Variants in ATAD2B observed in about 807,000 individuals in gnomAD.
ATAD2B encodes ATPase family AAA domain containing 2B, also known as ATPase family AAA domain-containing protein 2B.
ATAD2B carries 40 observed loss-of-function variants against 167.6 expected under a neutral mutation model. The observed-to-expected ratio is 0.24, with a 90% CI of 0.19 to 0.31. The LOEUF is 0.31. Ranked by LOEUF, ATAD2B falls within the 10% of genes least tolerant of loss-of-function variation. ATAD2B has a pLI of 1.00. For synonymous variants in ATAD2B, 579 were observed against 596.5 expected (o/e 0.97, Z 0.43); for missense variants, 1,242 against 1,757.2 (o/e 0.71, Z 5.24).
chr2:23,719,337 T>C, the ATAD2B span, among the ~76,000 whole-genome samples: 1 of 152,048 alleles, frequency 6.6e-6, no homozygotes, highest in Non-Finnish European at 1.5e-5. Context: ...TAAACAACCC[T>C]AAGGAGGAAA....
chr2:23,708,444 G>A, the ATAD2B span: 1 of 152,178 alleles, frequency 6.6e-6, no homozygotes, highest in African/African-American at 2.4e-5. Context: ...ACTCAACACA[G>A]ATGACATTGA....
At chr2:23,784,154 A>G (rs900099931) in intron 21 of ATAD2B, among the ~76,000 whole-genome samples, 24 of 152,108 alleles carry the variant, frequency 1.6e-4, no homozygotes, top group Admixed American at 6.5e-4. Context: ...ATGCCTGTGT[A>G]TAAGTGGAAA....
At chr2:23,809,437 T>C (rs1685197381) in intron 18 of ATAD2B, among the ~76,000 whole-genome samples, 1 of 152,154 alleles carries the variant, frequency 6.6e-6, no homozygotes, top group Admixed American at 6.5e-5. Context: ...TGCTACAATG[T>C]AGGAAATGGC....
rs1470406849 is a variant in ATAD2B, at chr2:23,895,049, G to C, written c.368+770C>G. Among the ~76,000 whole-genome samples, 8 of 151,916 alleles carry C rather than the reference G, an allele frequency of 5.3e-5. No homozygotes were observed. The East Asian group carries it at 1.5e-3, about 29-fold the overall frequency. On this transcript the variant is annotated intron_variant, in intron 2 of 27. Coordinates refer to ENST00000238789, the MANE Select transcript of ATAD2B (RefSeq NM_017552.4). ...ATCAAAATATTTTTAAATGCTTGAA[G>C]AATAAAAACAAAGGACTTCCCTTTT... is the stretch of plus-strand genomic sequence containing the variant.
intron 14 of ATAD2B, 82 bp downstream of exon 14, chr2:23,833,837 T>G: frequency 9.1e-7 from 1 of 1,098,338 alleles, no homozygotes; most frequent in South Asian, 2.2e-5. Context: ...CAATGAAAAT[T>G]CATAAAATAT....
intron 17 of ATAD2B, among the ~76,000 whole-genome samples, chr2:23,814,780 C>A (rs773537686): frequency 1.6e-4 from 25 of 152,088 alleles, no homozygotes; most frequent in Middle Eastern, 3.4e-3. Flanking sequence ...TGTGGCCTGG[C>A]GCAGTGTCTC....
intron 20 of ATAD2B, chr2:23,788,238 T>C: frequency 2.8e-6 from 1 of 361,508 alleles, no homozygotes; most frequent in Middle Eastern, 7.6e-4. Flanking sequence ...GACTTTTTTC[T>C]ATGACTTTTT....
At chr2:23,823,666 T>A in intron 15 of ATAD2B, 97 bp from the exon 16 acceptor site, 1 of 1,105,516 alleles carries the variant, frequency 9.0e-7, no homozygotes, top group South Asian at 1.6e-5. Flanking sequence ...AAAGTCATAA[T>A]CAATACTAAA....
chr2:23,828,764 T>C (rs924923614), intron 15 of ATAD2B, 85 bp downstream of exon 15: 3 of 816,330 alleles, frequency 3.7e-6, no homozygotes, highest in East Asian at 2.5e-5. Flanking sequence ...AACATAACTA[T>C]GCTCATTCAC....
At chr2:23,763,985 GT>G (rs1188256475) in intron 23 of ATAD2B, among the ~76,000 whole-genome samples, 1 of 152,096 alleles carries the variant, frequency 6.6e-6, no homozygotes, top group Non-Finnish European at 1.5e-5. Context: ...GGTATCCTAT[GT>G]TTTCTTTACC....
the ATAD2B span, among the ~76,000 whole-genome samples, chr2:23,738,984 C>A: frequency 2.0e-5 from 3 of 152,176 alleles, no homozygotes; most frequent in Non-Finnish European, 2.9e-5. Flanking sequence ...GGGATCAATT[C>A]AACAAGAAGA....
chr2:23,912,485 TGAGA>T (rs771999066), intron 1 of ATAD2B, among the ~76,000 whole-genome samples: 4 of 151,072 alleles, frequency 2.6e-5, no homozygotes, highest in South Asian at 2.1e-4. Context: ...CCAGCTTGAG[TGAGA>T]GAGTGAGACC....
Position 23,810,302 on chromosome 2 carries a change from T to C in ATAD2B, c.2454+14A>G. 2 of 1,605,140 alleles carry C rather than the reference T, an allele frequency of 1.2e-6. No individual in the cohort carries two copies. Among genetic ancestry groups the C allele is most frequent in the Non-Finnish European group, 1.7e-6 (2 of 1,173,056 alleles). Reference sequence around the variant, plus strand: ...TAAGAAAGTTGGAAGTGCTCTGATGTGGTACAAACCTACCTGTGCACATGA... The same window carrying C: ...TAAGAAAGTTGGAAGTGCTCTGATGCGGTACAAACCTACCTGTGCACATGA... On this transcript the variant is annotated intron_variant, in intron 18 of 27. Transcript: ENST00000238789.
chr2:23,880,240 T>G (rs1391763024), intron 7 of ATAD2B, among the ~76,000 whole-genome samples: 1 of 152,220 alleles, frequency 6.6e-6, no homozygotes, highest in African/African-American at 2.4e-5. Flanking sequence ...TACTTTGACT[T>G]TCTTTCAGTT....
intron 18 of ATAD2B, among the ~76,000 whole-genome samples, chr2:23,807,596 C>G (rs968903397): frequency 6.6e-6 from 1 of 151,942 alleles, no homozygotes; most frequent in African/African-American, 2.4e-5. Context: ...GCGGGCAGAT[C>G]ACGAAGTCAG....
Position 23,823,585 on chromosome 2 carries a change from A to G in ATAD2B, c.1820-16T>C. On this transcript the variant is annotated splice_polypyrimidine_tract_variant and intron_variant, in intron 15 of 27. Coordinates refer to ENST00000238789, the MANE Select transcript of ATAD2B (RefSeq NM_017552.4). Reference sequence around the variant, plus strand: ...CCACAGTAGCCTAATACACAAAAGGAGAAGGATAGCAAAGGTACATTCATT... The same window carrying G: ...CCACAGTAGCCTAATACACAAAAGGGGAAGGATAGCAAAGGTACATTCATT... 1 of 1,603,698 alleles carries G rather than the reference A, an allele frequency of 6.2e-7. No homozygotes were observed.
the ATAD2B span, among the ~76,000 whole-genome samples, chr2:23,715,119 T>A: frequency 6.6e-6 from 1 of 152,330 alleles, no homozygotes; most frequent in South Asian, 2.1e-4. Context: ...AAGTGTGACC[T>A]GACAACTTCT....
At chr2:23,771,963 G>A (rs146235347) in intron 22 of ATAD2B, among the ~76,000 whole-genome samples, 1,657 of 152,256 alleles carry the variant, frequency 0.011, 18 homozygotes, top group Middle Eastern at 0.037. Context: ...CAGTTCAGAG[G>A]ACCTCCAGAA....
At chr2:23,888,461 G>T in intron 2 of ATAD2B, 62 bp from the exon 3 acceptor site, 1 of 988,376 alleles carries the variant, frequency 1.0e-6, no homozygotes, top group Non-Finnish European at 1.5e-6. Flanking sequence ...AGCAAGAAAT[G>T]AAATACTGCT....
Sources: gnomAD v4.1 joint callset for allele counts (sites outside exome capture counted in the v4.1 genomes callset) on GRCh38, gnomAD v4.1.1 for gene constraint, MANE v1.5 for transcripts, NCBI Gene and HGNC (gene_info 2026-07-23, HGNC 2026-07-21) for gene names.